ANKRD36: variants seen among roughly 807,000 people sequenced by gnomAD.
The protein encoded by ANKRD36 is ankyrin repeat domain 36, also known as ankyrin repeat domain-containing protein 36A.
Under a neutral mutation model 278.1 loss-of-function variants are expected in ANKRD36, and 179 were observed. The observed-to-expected ratio is 0.64, with a 90% CI of 0.57 to 0.73. The LOEUF is 0.73. Ranked by LOEUF, ANKRD36 falls within the 30% of genes least tolerant of loss-of-function variation. The probability of loss-of-function intolerance (pLI) is 0.00; values close to 1 mark genes in which losing one functional copy is unlikely to be tolerated. For synonymous variants in ANKRD36, 320 were observed against 641.1 expected, an observed-to-expected ratio of 0.50 and a Z score of 7.57; for missense variants, 1,159 against 1,956.7, an observed-to-expected ratio of 0.59 and a Z score of 7.69.
chr2:97,250,495 G>A (rs547514264), intron 75 of ANKRD36, among the ~76,000 whole-genome samples: 1,401 of 117,694 alleles, frequency 0.012, 47 homozygotes, highest in Middle Eastern at 0.035. Flanking sequence ...ACAAAACAAA[G>A]GCATTATCAA....
chr2:97,140,892 T>A lies in ANKRD36; in HGVS notation c.800-1748T>A, dbSNP rs531710679. 2.0e-5 allele frequency among the ~76,000 whole-genome samples: 3 copies of A among 151,982 alleles called. No homozygotes were observed. In the South Asian group the frequency reaches 6.3e-4, roughly 32 times the overall value. On this transcript the variant is annotated intron_variant, in intron 6 of 75. Coordinates refer to ENST00000420699, the MANE Select transcript of ANKRD36 (RefSeq NM_001354587.1). ...AGCAGCTAGTTAGGTAATTTGCAGG[T>A]TTCTGATGAGGAGACTTGTGGGGAG... is the stretch of plus-strand genomic sequence containing the variant.
chr2:97,199,944 C>T (rs867197826), intron 44 of ANKRD36, among the ~76,000 whole-genome samples: 5 of 151,862 alleles, frequency 3.3e-5, no homozygotes, highest in Admixed American at 6.6e-5. Flanking sequence ...TGTAAATCCT[C>T]TTAATTTGTT....
At chr2:97,149,214 C>T in intron 11 of ANKRD36, 81 bp from the exon 12 acceptor site, 2 of 1,124,614 alleles carry the variant, frequency 1.8e-6, no homozygotes, top group Non-Finnish European at 2.6e-6. Context: ...TTGGAGTGGA[C>T]ATACGTGTAT....
intron 22 of ANKRD36, among the ~76,000 whole-genome samples, chr2:97,170,448 A>G (rs927504024): frequency 2.6e-5 from 4 of 152,056 alleles, no homozygotes; most frequent in Admixed American, 2.0e-4. Context: ...AAAACAAGAA[A>G]TGGGGAAAGG....
intron 67 of ANKRD36, among the ~76,000 whole-genome samples, chr2:97,227,836 T>C (rs553232850): frequency 1.2e-3 from 182 of 152,230 alleles, no homozygotes; most frequent in African/African-American, 3.9e-3. Context: ...TTGAGAGTTT[T>C]TAGCATGAAG....
chr2:97,124,567 G>A lies in ANKRD36; in HGVS notation c.701G>A (p.Gly234Glu). 6.4e-7 allele frequency: 1 copy of A among 1,553,054 alleles called. No homozygotes were observed. The stretch of plus-strand genomic sequence containing the variant: ...CGAGATGCGTTTCGAAAGATTGCAG[G>A]AGATTATGCCATTGAGGCTAAGAAT... The part of the protein sequence containing the change: ...LSRDAFRKIA[G>E]DYAIEAKNRV... The change falls in exon 5 of 76, where the codon GGA becomes GAA. Residue 234 changes from glycine (G) to glutamate (E), a missense_variant. Physicochemically the swap from Gly to Glu is moderately conservative, Grantham distance 98. Coordinates refer to ENST00000420699, the MANE Select transcript of ANKRD36 (RefSeq NM_001354587.1).
intron 44 of ANKRD36, 77 bp downstream of exon 44, chr2:97,198,735 G>A (rs1170930862): frequency 3.6e-6 from 5 of 1,398,532 alleles, no homozygotes; most frequent in Admixed American, 4.7e-5. Flanking sequence ...AAATCAGCGG[G>A]GGGCTCGTTG....
At chr2:97,204,771 G>T (rs1396733309) in intron 50 of ANKRD36, among the ~76,000 whole-genome samples, 1 of 151,566 alleles carries the variant, frequency 6.6e-6, no homozygotes, top group Admixed American at 6.6e-5. Flanking sequence ...TAATTTTGGG[G>T]TTTCTGCTGA....
At chr2:97,216,557 T>C (rs2153638907) in intron 62 of ANKRD36, 1 of 172,486 alleles carries the variant, frequency 5.8e-6, no homozygotes, top group African/African-American at 2.4e-5. Flanking sequence ...GCTAAACGAG[T>C]GGATACAAGA....
chr2:97,142,931 A>G (rs1019616086), intron 8 of ANKRD36, 96 bp downstream of exon 8: 2 of 1,379,976 alleles, frequency 1.4e-6, no homozygotes, highest in Admixed American at 2.7e-5. Flanking sequence ...GAATCTGCAC[A>G]TTCTGATTCA....
chr2:97,203,331 G>A (rs932015084), intron 48 of ANKRD36, among the ~76,000 whole-genome samples: 8 of 151,860 alleles, frequency 5.3e-5, no homozygotes, highest in African/African-American at 1.7e-4. Context: ...AATGCTTGTA[G>A]CAGTTTCACT....
chr2:97,212,775 A>G (rs2065006170), intron 58 of ANKRD36: 1 of 168,294 alleles, frequency 5.9e-6, no homozygotes, highest in Admixed American at 5.6e-5. Context: ...TGAGTGGATG[A>G]AGAAACTTTC....
Position 97,181,415 on chromosome 2 carries a change from C to G in ANKRD36, c.1736-183C>G, listed in dbSNP as rs953257668. Among the ~76,000 whole-genome samples the G allele has an allele frequency of 2.6e-5, 4 of 151,288 alleles. No homozygotes were observed. The East Asian group carries it at 7.8e-4, about 30-fold the overall frequency. ...AATTGTAAGGGTATATTTTGTGAAG[C>G]CTGTATTCCTTTTTTTTCAGTGTAT... On this transcript the variant is annotated intron_variant, in intron 24 of 75. Transcript: ENST00000420699.
chr2:97,196,044 A>G (rs2059667358), intron 40 of ANKRD36, among the ~76,000 whole-genome samples: 1 of 151,984 alleles, frequency 6.6e-6, no homozygotes, highest in Admixed American at 6.6e-5. Flanking sequence ...TGTACTAGGT[A>G]TCAGCAAAGA....
At chr2:97,207,608 C>G (rs1299850624) in intron 52 of ANKRD36, among the ~76,000 whole-genome samples, 8 of 151,516 alleles carry the variant, frequency 5.3e-5, no homozygotes, top group African/African-American at 1.7e-4. Flanking sequence ...GTTTGAAATT[C>G]TAAGACTATA....
rs552257677 is a variant in ANKRD36, at chr2:97,193,137, G to A, written c.2449+84G>A. 2.1e-5 allele frequency: 27 copies of A among 1,291,494 alleles called. 1 individual carries two copies. In the South Asian group the frequency reaches 2.6e-4, roughly 13 times the overall value. 80.0% of individuals were successfully genotyped at this position (1,291,494 alleles called of 1,614,324 possible). ...CCCTGAATAAATCAGCGGGGGGCTC[G>A]TTGAAGCTGCACATTCTGATTCAGC... On this transcript the variant is annotated intron_variant, in intron 38 of 75. Coordinates refer to ENST00000420699, the MANE Select transcript of ANKRD36 (RefSeq NM_001354587.1).
At chr2:97,169,718 T>C (rs1240007450) in intron 22 of ANKRD36, among the ~76,000 whole-genome samples, 1 of 152,196 alleles carries the variant, frequency 6.6e-6, no homozygotes, top group Non-Finnish European at 1.5e-5. Context: ...GGAATACAAC[T>C]CACAAGGGAT....
intron 38 of ANKRD36, 50 bp from the exon 39 acceptor site, chr2:97,194,676 A>G: frequency 6.3e-7 from 1 of 1,599,038 alleles, no homozygotes; most frequent in Non-Finnish European, 8.5e-7. Context: ...TGTATGGATA[A>G]CTTTATCATA....
At chr2:97,196,550 C>G (rs1298221173) in intron 40 of ANKRD36, 43 bp from the exon 41 acceptor site, 4 of 1,602,684 alleles carry the variant, frequency 2.5e-6, no homozygotes, top group East Asian at 4.5e-5. Context: ...ATATCTTTGT[C>G]ATATTTATGT....
Sources: gnomAD v4.1 joint callset for allele counts (sites outside exome capture counted in the v4.1 genomes callset) on GRCh38, gnomAD v4.1.1 for gene constraint, MANE v1.5 for transcripts, NCBI Gene and HGNC (gene_info 2026-07-23, HGNC 2026-07-21) for gene names.